NALCN: variants seen among roughly 807,000 people sequenced by gnomAD.
NALCN encodes the protein sodium leak channel, non-selective, also known as sodium leak channel NALCN.
Under a neutral mutation model 225.3 loss-of-function variants are expected in NALCN, and 111 were observed. The observed-to-expected ratio is 0.49, with a 90% confidence interval of 0.42 to 0.58. The LOEUF (loss-of-function observed/expected upper bound fraction) is 0.58. NALCN is among the 20% of genes least tolerant of loss of function. The pLI, the probability that NALCN is intolerant of heterozygous loss-of-function variation, is 0.00. For synonymous variants in NALCN, 764 were observed against 769.0 expected (o/e 0.99, Z 0.11); for missense variants, 1,378 against 2,202.4 (o/e 0.63, Z 7.49).
chr13:101,204,689 T>G (rs188883146), intron 13 of NALCN, among the ~76,000 whole-genome samples: 11 of 152,264 alleles, frequency 7.2e-5, no homozygotes, highest in South Asian at 4.1e-4. Flanking sequence ...TTGCTAGTTA[T>G]GAAAATATAT....
chr13:101,262,357 T>A (rs1373156723), intron 10 of NALCN, among the ~76,000 whole-genome samples: 1 of 152,146 alleles, frequency 6.6e-6, no homozygotes, highest in Non-Finnish European at 1.5e-5. Flanking sequence ...TGGGGCCCGC[T>A]GCCCACTGTG....
Position 101,139,009 on chromosome 13 carries a change from C to T in NALCN, c.2118+4071G>A, listed in dbSNP as rs112813050. Among the ~76,000 whole-genome samples, 1,415 of 152,078 alleles carry T rather than the reference C, an allele frequency of 9.3e-3. 23 individuals carry two copies. Among genetic ancestry groups the T allele is most frequent in the African/African-American group, 0.033 (1,365 of 41,484 alleles). Reference sequence around the variant, plus strand: ...TGGGGAAATGACCACTTGGGAAGGTCGTTTCTATGGAGTCTCAAACGACAG... The same window carrying T: ...TGGGGAAATGACCACTTGGGAAGGTTGTTTCTATGGAGTCTCAAACGACAG... On this transcript the variant is annotated intron_variant, in intron 17 of 43. Coordinates refer to ENST00000251127, the MANE Select transcript of NALCN (RefSeq NM_052867.4).
chr13:101,333,752 C>T (rs1173900490), intron 7 of NALCN, among the ~76,000 whole-genome samples: 5 of 152,116 alleles, frequency 3.3e-5, no homozygotes, highest in East Asian at 1.9e-4. Context: ...GTTGATAAAA[C>T]GGATTTGATT....
Position 101,294,121 on chromosome 13 carries a change from C to A in NALCN, c.800-1755G>T, listed in dbSNP as rs558298170. ...GAAAGTGGTAGAACCAGAAATTGAACCCATATCATCAGGTCAAAAAAAATT... is the reference window on the plus strand; with the variant it reads ...GAAAGTGGTAGAACCAGAAATTGAAACCATATCATCAGGTCAAAAAAAATT... On this transcript the variant is annotated intron_variant, in intron 7 of 43. Transcript: ENST00000251127. 2.0e-5 allele frequency among the ~76,000 whole-genome samples: 3 copies of A among 152,242 alleles called. No individual in the cohort carries two copies. The South Asian group carries it at 6.2e-4, about 32-fold the overall frequency.
intron 11 of NALCN, among the ~76,000 whole-genome samples, chr13:101,253,959 G>C (rs1594533157): frequency 6.6e-6 from 1 of 152,156 alleles, no homozygotes; most frequent in Admixed American, 6.5e-5. Context: ...TAATTAAAGT[G>C]ACTTTTTCAC....
chr13:101,259,146 T>C (rs1354519231), intron 10 of NALCN, among the ~76,000 whole-genome samples: 1 of 152,110 alleles, frequency 6.6e-6, no homozygotes. Flanking sequence ...TTTACATAAA[T>C]TAACTCATAA....
At position 101,241,952 on chromosome 13, in the gene NALCN, C is replaced by A. The variant is rs2041774229; in HGVS notation, c.1267-4030G>T. Among the ~76,000 whole-genome samples, 2 of 105,912 alleles carry A rather than the reference C, an allele frequency of 1.9e-5. 1 individual carries two copies. Among genetic ancestry groups the A allele is most frequent in the Admixed American group, 1.8e-4 (2 of 11,232 alleles). The allele number at this position is 105,912 out of a possible 152,430, so 69.5% of individuals were successfully genotyped here. On this transcript the variant is annotated intron_variant, in intron 11 of 43. Transcript: ENST00000251127. ...CAAGGATTTGCAAATGTCCTCAGGG[C>A]AGCCACTGCCTTGGGGCCCACCTGG...
At position 101,399,085 on chromosome 13, in the gene NALCN, T is replaced by A. The variant is rs1251141878; in HGVS notation, c.42A>T (p.Pro14=). ...RKQSSRVEAQ[P]VTDFGPDESL... The stretch of plus-strand genomic sequence containing the variant: ...ACTCATCAGGACCAAAGTCAGTGAC[T>A]GGCTGGGCTTCCACCCTGGAACTCT... Residue 14 remains proline, a synonymous_variant, in exon 2 of 44, where the codon CCA becomes CCT. Coordinates refer to ENST00000251127, the MANE Select transcript of NALCN (RefSeq NM_052867.4). The A allele has an allele frequency of 6.2e-7, 1 of 1,613,654 alleles. No individual in the cohort carries two copies. The highest frequency in any genetic ancestry group is 2.2e-5 in the East Asian group (1 of 44,872).
intron 7 of NALCN, among the ~76,000 whole-genome samples, chr13:101,300,896 AT>A (rs752904474): frequency 9.4e-4 from 143 of 152,322 alleles, no homozygotes; most frequent in Non-Finnish European, 1.5e-3. Context: ...AGCTACTTTA[AT>A]TTTGATTTTG....
chr13:101,234,835 ACTAT>A (rs56229940), intron 12 of NALCN, among the ~76,000 whole-genome samples: 24 of 144,940 alleles, frequency 1.7e-4, no homozygotes, highest in Admixed American at 5.6e-4. Context: ...CTATCTATCT[ACTAT>A]CTATCTATCT....
chr13:101,292,350 G>A lies in NALCN; in HGVS notation c.816C>T (p.Thr272=), dbSNP rs547884572. 1.1e-5 allele frequency: 17 copies of A among 1,613,920 alleles called. No individual in the cohort carries two copies. Among genetic ancestry groups the A allele is most frequent in the East Asian group, 4.5e-5 (2 of 44,880 alleles). The part of the protein sequence containing the change: ...GFNEIGTSIF[T]VYEAASQEGW... Reference sequence around the variant, plus strand: ...CTTCCTGTGAGGCGGCCTCATAGACGGTGAATATACTAGTTCCTGTCATGA... The same window carrying A: ...CTTCCTGTGAGGCGGCCTCATAGACAGTGAATATACTAGTTCCTGTCATGA... The change falls in exon 8 of 44, where the codon ACC becomes ACT. Residue 272 remains threonine, a synonymous_variant. Transcript: ENST00000251127. The surrounding 1 kb of genome is among the most constrained non-coding windows in gnomAD (Gnocchi z 4.3).
chr13:101,374,487 G>A (rs1477743807), intron 6 of NALCN, among the ~76,000 whole-genome samples: 4 of 151,782 alleles, frequency 2.6e-5, no homozygotes, highest in African/African-American at 4.8e-5. Context: ...GGGTTTCACC[G>A]TATTGGTCAG....
Position 101,256,803 on chromosome 13 carries a change from AC to A in NALCN, c.1266+1639del, listed in dbSNP as rs1438970300. Among the ~76,000 whole-genome samples the A allele has an allele frequency of 4.4e-5, 6 of 134,836 alleles. No homozygotes were observed. In the East Asian group the frequency reaches 1.3e-3, roughly 29 times the overall value. 88.5% of individuals were successfully genotyped at this position (134,836 alleles called of 152,430 possible). A position where few individuals can be genotyped will look rare whatever the true frequency, so the allele number is the denominator to read the frequency against. On this transcript the variant is annotated intron_variant, in intron 11 of 43. Transcript: ENST00000251127. ...TTTTGAGATGGAGTCTCACTCTGTC[AC>A]CCTGGCTGGAATTCAGTGGTGCGCT...
intron 10 of NALCN, among the ~76,000 whole-genome samples, chr13:101,269,340 G>T (rs2042701563): frequency 6.6e-6 from 1 of 151,956 alleles, no homozygotes; most frequent in Non-Finnish European, 1.5e-5. Context: ...TTTCCTCCAT[G>T]TACTCAATTG....
chr13:101,177,268 C>A (rs572284518), intron 14 of NALCN, among the ~76,000 whole-genome samples: 17 of 152,230 alleles, frequency 1.1e-4, no homozygotes, highest in African/African-American at 3.9e-4. Flanking sequence ...AGATTCCCAA[C>A]CTTGAGAAAC....
chr13:101,098,643 A>G (rs912667380), intron 27 of NALCN, among the ~76,000 whole-genome samples: 4 of 152,216 alleles, frequency 2.6e-5, no homozygotes, highest in African/African-American at 7.2e-5. Context: ...TGTCTTTAAC[A>G]GGAACTGTGT....
At chr13:101,257,544 A>AT (rs566779960) in intron 11 of NALCN, among the ~76,000 whole-genome samples, 2 of 151,916 alleles carry the variant, frequency 1.3e-5, no homozygotes, top group East Asian at 1.9e-4. Flanking sequence ...TGGCAAATTG[A>AT]TTTTTTTTAT....
intron 7 of NALCN, among the ~76,000 whole-genome samples, chr13:101,295,263 T>C (rs1013197698): frequency 6.6e-6 from 1 of 152,210 alleles, no homozygotes; most frequent in Non-Finnish European, 1.5e-5. Flanking sequence ...GCACTGAATA[T>C]GAAACATATT....
chr13:101,261,596 T>C (rs2042429408), intron 10 of NALCN, among the ~76,000 whole-genome samples: 1 of 152,242 alleles, frequency 6.6e-6, no homozygotes, highest in South Asian at 2.1e-4. Flanking sequence ...AATTTTATTT[T>C]ATTTGTAGCT....
Sources: allele counts gnomAD v4.1 joint callset (sites outside exome capture counted in the v4.1 genomes callset), GRCh38; gene constraint gnomAD v4.1.1; non-coding constraint Gnocchi (gnomAD v3.1); transcripts MANE v1.5; gene names NCBI Gene and HGNC (gene_info 2026-07-23, HGNC 2026-07-21).